NOX3: variants seen among roughly 807,000 people sequenced by gnomAD.
NOX3 encodes NADPH oxidase catalytic subunit-like 3.
In NOX3, 74 loss-of-function variants were observed where a neutral mutation model predicts 76.7. The ratio of observed to expected loss-of-function variants is 0.96; its 90% CI spans 0.80 to 1.17. The LOEUF (loss-of-function observed/expected upper bound fraction) is 1.17, where lower values mean the gene tolerates loss of function less well. Among genes scored for constraint, NOX3 ranks in the 50% most tolerant of loss-of-function variants. The pLI is 0.00. For synonymous variants in NOX3, 263 were observed against 261.1 expected (o/e 1.01, Z -0.07); for missense variants, 695 against 703.3 (o/e 0.99, Z 0.13).
At chr6:155,427,032 G>GCT (rs1776767073) in intron 9 of NOX3, among the ~76,000 whole-genome samples, 1 of 57,090 alleles carries the variant, frequency 1.8e-5, no homozygotes, top group African/African-American at 6.5e-5. Context: ...TGTGTGTGCT[G>GCT]GGGGGGTTGG....
At chr6:155,433,621 C>T (rs909837781) in intron 7 of NOX3, among the ~76,000 whole-genome samples, 1 of 149,654 alleles carries the variant, frequency 6.7e-6, no homozygotes, top group Non-Finnish European at 1.5e-5. Flanking sequence ...ATAAGTAGAA[C>T]GTTGGGGCTA....
intron 12 of NOX3, among the ~76,000 whole-genome samples, chr6:155,401,287 T>C (rs574272532): frequency 3.9e-5 from 6 of 152,330 alleles, no homozygotes; most frequent in Admixed American, 3.9e-4. Flanking sequence ...GAAGGAACTA[T>C]GGGAATATGC....
rs1779145346 is a variant in NOX3 at position 155,396,833 on chromosome 6, A to G, written c.*3T>C. On this transcript the variant is annotated 3_prime_UTR_variant, in exon 13 of 14. Transcript: ENST00000159060. ...CACAATGCCTGGACTTGACCTCCAAAGTCTAGAAGCTCTCCTTGTTGTAAT... is the reference window on the plus strand; with the variant it reads ...CACAATGCCTGGACTTGACCTCCAAGGTCTAGAAGCTCTCCTTGTTGTAAT... 1 of 1,605,068 alleles carries G rather than the reference A, an allele frequency of 6.2e-7. No homozygotes were observed. Among genetic ancestry groups the G allele is most frequent in the Non-Finnish European group, 8.5e-7 (1 of 1,175,300 alleles).
chr6:155,397,357 C>A (rs1046652050), intron 12 of NOX3, among the ~76,000 whole-genome samples: 1 of 152,168 alleles, frequency 6.6e-6, no homozygotes, highest in Non-Finnish European at 1.5e-5. Flanking sequence ...TTTCCCAATC[C>A]CTGACCTATA....
intron 7 of NOX3, among the ~76,000 whole-genome samples, chr6:155,434,499 GGGTT>G (rs1199157580): frequency 1.3e-5 from 2 of 152,126 alleles, no homozygotes; most frequent in Non-Finnish European, 2.9e-5. Context: ...GGGAAGGATG[GGGTT>G]GGACCGAGCA....
chr6:155,434,304 C>T (rs1776873605), intron 7 of NOX3, among the ~76,000 whole-genome samples: 1 of 152,218 alleles, frequency 6.6e-6, no homozygotes, highest in South Asian at 2.1e-4. Context: ...TGAGTTGATG[C>T]TGTGGTTAAA....
At chr6:155,420,825 C>T (rs1238547609) in intron 10 of NOX3, among the ~76,000 whole-genome samples, 1 of 152,182 alleles carries the variant, frequency 6.6e-6, no homozygotes, top group Admixed American at 6.5e-5. Flanking sequence ...TTAGTAATAG[C>T]AGTACTGGTA....
intron 10 of NOX3, among the ~76,000 whole-genome samples, chr6:155,421,758 G>C (rs571422905): frequency 6.6e-6 from 1 of 152,106 alleles, no homozygotes; most frequent in Non-Finnish European, 1.5e-5. Context: ...ATCTCCCAAA[G>C]TGCTGGGGTT....
At chr6:155,449,193 C>T (rs1351822467) in intron 4 of NOX3, among the ~76,000 whole-genome samples, 1 of 152,048 alleles carries the variant, frequency 6.6e-6, no homozygotes, top group Admixed American at 6.5e-5. Flanking sequence ...CTCACCCTGC[C>T]CTTGTTATGT....
chr6:155,451,961 T>A (rs1030762414), intron 4 of NOX3, among the ~76,000 whole-genome samples: 2 of 152,208 alleles, frequency 1.3e-5, no homozygotes, highest in South Asian at 4.1e-4. Context: ...TGGCTGTTTT[T>A]TTCCCCCTTC....
At chr6:155,427,238 A>G (rs1776770058) in intron 9 of NOX3, among the ~76,000 whole-genome samples, 1 of 152,084 alleles carries the variant, frequency 6.6e-6, no homozygotes. Context: ...ACCATTCTTC[A>G]GGACCAGTGT....
intron 9 of NOX3, among the ~76,000 whole-genome samples, chr6:155,427,028 T>TGCGC (rs1554263763): frequency 1.1e-4 from 14 of 121,792 alleles, no homozygotes; most frequent in African/African-American, 4.3e-4. Flanking sequence ...TGTGTGTGTG[T>TGCGC]GCTGGGGGGG....
chr6:155,429,863 A>C (rs1262459916), intron 8 of NOX3, among the ~76,000 whole-genome samples: 3 of 152,166 alleles, frequency 2.0e-5, no homozygotes, highest in Non-Finnish European at 4.4e-5. Context: ...CATTGGTTCT[A>C]AGTTTTCCCT....
chr6:155,430,048 A>G (rs1205306396), intron 8 of NOX3, among the ~76,000 whole-genome samples: 1 of 152,208 alleles, frequency 6.6e-6, no homozygotes, highest in East Asian at 1.9e-4. Context: ...AGCAATTTCT[A>G]TACATCTGCT....
chr6:155,435,555 T>G (rs1407104736), intron 7 of NOX3, among the ~76,000 whole-genome samples: 1 of 152,212 alleles, frequency 6.6e-6, no homozygotes, highest in Admixed American at 6.5e-5. Context: ...ATCACTTATA[T>G]TCTTCATATG....
At chr6:155,416,744 CTTTT>C (rs534711414) in intron 10 of NOX3, among the ~76,000 whole-genome samples, 3 of 92,530 alleles carry the variant, frequency 3.2e-5, no homozygotes, top group East Asian at 3.3e-4. Context: ...CTGAAACATT[CTTTT>C]TTTTTTTTTT....
At chr6:155,445,289 C>T (rs374692664) in intron 4 of NOX3, among the ~76,000 whole-genome samples, 10 of 152,298 alleles carry the variant, frequency 6.6e-5, no homozygotes, top group African/African-American at 2.4e-4. Flanking sequence ...TGAGAAGTAG[C>T]AGGGCCTATG....
intron 12 of NOX3, among the ~76,000 whole-genome samples, chr6:155,404,684 C>T (rs530231655): frequency 6.6e-6 from 1 of 152,280 alleles, no homozygotes; most frequent in Admixed American, 6.5e-5. Context: ...GAATGTGGGT[C>T]AGGAGTAATC....
chr6:155,408,964 T>G (rs1582928231), intron 11 of NOX3, among the ~76,000 whole-genome samples: 2 of 146,530 alleles, frequency 1.4e-5, no homozygotes, highest in African/African-American at 2.5e-5. Flanking sequence ...GGGGGGAGGG[T>G]GAGAAGGGAG....
Sources: allele counts gnomAD v4.1 joint callset (sites outside exome capture counted in the v4.1 genomes callset), GRCh38; gene constraint gnomAD v4.1.1; transcripts MANE v1.5; gene names NCBI Gene and HGNC (gene_info 2026-07-23, HGNC 2026-07-21).